The following ASAP2 variants were observed in gnomAD, a reference collection of about 807,000 sequenced individuals.
ASAP2 encodes the protein ArfGAP with SH3 domain, ankyrin repeat and PH domain 2.
A neutral mutation model predicts 131.4 loss-of-function variants in ASAP2; 45 were observed. That is an observed-to-expected ratio of 0.34 (90% confidence interval 0.27 to 0.44). The LOEUF (loss-of-function observed/expected upper bound fraction) is 0.44. Ranked by LOEUF, ASAP2 falls within the 20% of genes least tolerant of loss-of-function variation. The pLI, the probability that ASAP2 is intolerant of heterozygous loss-of-function variation, is 1.00. For synonymous variants in ASAP2, 510 were observed against 503.0 expected (o/e 1.01, Z -0.19); for missense variants, 1,011 against 1,297.0 (o/e 0.78, Z 3.39).
chr2:9,390,425 A>G (rs1675628123), intron 22 of ASAP2, among the ~76,000 whole-genome samples: 1 of 152,218 alleles, frequency 6.6e-6, no homozygotes, highest in Non-Finnish European at 1.5e-5. Context: ...CACACCTAGC[A>G]CCTGGGCCCT....
At chr2:9,349,554 A>C (rs550914604) in intron 11 of ASAP2, among the ~76,000 whole-genome samples, 1 of 152,222 alleles carries the variant, frequency 6.6e-6, no homozygotes, top group African/African-American at 2.4e-5. Context: ...GGTATCTTCT[A>C]ATACTGATTT....
At chr2:9,292,981 G>A (rs62121301) in intron 2 of ASAP2, among the ~76,000 whole-genome samples, 3 of 152,334 alleles carry the variant, frequency 2.0e-5, no homozygotes, top group East Asian at 3.9e-4. Flanking sequence ...GTCAAGAGCC[G>A]TATCTACATG....
intron 7 of ASAP2, among the ~76,000 whole-genome samples, chr2:9,329,699 G>A (rs1670707224): frequency 6.6e-6 from 1 of 152,220 alleles, no homozygotes; most frequent in Non-Finnish European, 1.5e-5. Flanking sequence ...GGGAGTGGAA[G>A]GTGTGGACTG....
intron 7 of ASAP2, among the ~76,000 whole-genome samples, chr2:9,332,750 C>G (rs886822359): frequency 6.6e-6 from 1 of 152,148 alleles, no homozygotes; most frequent in African/African-American, 2.4e-5. Context: ...TTAGAGATCT[C>G]TGTCCTCCTA....
chr2:9,394,879 G>A (rs1675994922), intron 24 of ASAP2, among the ~76,000 whole-genome samples: 1 of 152,210 alleles, frequency 6.6e-6, no homozygotes, highest in Non-Finnish European at 1.5e-5. Context: ...GGACACAGGA[G>A]GTGACTCGTT....
intron 3 of ASAP2, among the ~76,000 whole-genome samples, chr2:9,305,997 A>G (rs1382703426): frequency 1.6e-5 from 2 of 125,702 alleles, no homozygotes; most frequent in African/African-American, 6.2e-5. Flanking sequence ...ATATTGGTGT[A>G]GAGGCTGTAG....
intron 3 of ASAP2, among the ~76,000 whole-genome samples, chr2:9,308,502 T>C (rs145607628): frequency 1.4e-3 from 211 of 152,264 alleles, no homozygotes; most frequent in African/African-American, 4.9e-3. Context: ...GTGATTTTCC[T>C]GTTTAGAGTT....
intron 3 of ASAP2, 81 bp from the exon 4 acceptor site, chr2:9,318,443 T>G: frequency 9.8e-7 from 1 of 1,023,252 alleles, no homozygotes; most frequent in Non-Finnish European, 1.5e-6. Context: ...TTATCAAATG[T>G]TCTCTCTAAT....
At chr2:9,303,963 G>C (rs910112976) in intron 3 of ASAP2, among the ~76,000 whole-genome samples, 2 of 152,230 alleles carry the variant, frequency 1.3e-5, no homozygotes, top group African/African-American at 4.8e-5. Context: ...CCATGCGCTG[G>C]TGCTGTATGG....
intron 14 of ASAP2, 54 bp downstream of exon 14, chr2:9,356,399 T>A: frequency 6.7e-7 from 1 of 1,487,956 alleles, no homozygotes; most frequent in Non-Finnish European, 9.0e-7. Flanking sequence ...AATCCCATTC[T>A]GATTCACAGA....
rs187516180 is a variant in ASAP2, at chr2:9,385,480, G to A, written c.2130+122G>A. ...GAAATGAAAATGTAGCTTACTTTAT[G>A]CTTTCATTGATCTCAGTAGGCTCTT... On this transcript the variant is annotated intron_variant, in intron 21 of 27. Transcript: ENST00000281419. 2.2e-3 allele frequency: 1,690 copies of A among 761,798 alleles called. 6 individuals are homozygous for A. The highest frequency in any genetic ancestry group is 2.6e-3 in the Non-Finnish European group (1,209 of 457,126). 47.2% of individuals were successfully genotyped at this position (761,798 alleles called of 1,614,324 possible).
chr2:9,287,803 TG>T (rs1407041999), intron 2 of ASAP2, among the ~76,000 whole-genome samples: 1 of 152,158 alleles, frequency 6.6e-6, no homozygotes, highest in Non-Finnish European at 1.5e-5. Flanking sequence ...CAACAATGAT[TG>T]GAATTTAGAT....
intron 3 of ASAP2, among the ~76,000 whole-genome samples, chr2:9,310,924 T>C (rs931927322): frequency 7.2e-5 from 11 of 152,216 alleles, no homozygotes; most frequent in African/African-American, 2.7e-4. Context: ...ATTTTGTTCT[T>C]TATATCTAAT....
At chr2:9,354,533 A>G (rs888611334) in intron 12 of ASAP2, among the ~76,000 whole-genome samples, 3 of 151,410 alleles carry the variant, frequency 2.0e-5, no homozygotes, top group Non-Finnish European at 4.4e-5. Context: ...GTACTTTGGG[A>G]GGCTGAGGTG....
At chr2:9,391,812 T>C (rs1675753208) in intron 23 of ASAP2, among the ~76,000 whole-genome samples, 1 of 151,484 alleles carries the variant, frequency 6.6e-6, no homozygotes, top group Non-Finnish European at 1.5e-5. Flanking sequence ...CTCGAACTCC[T>C]GACCTCAGGT....
chr2:9,286,852 G>C (rs937083372), intron 2 of ASAP2, among the ~76,000 whole-genome samples: 2 of 152,078 alleles, frequency 1.3e-5, no homozygotes, highest in Non-Finnish European at 2.9e-5. Flanking sequence ...TGATTAAAAA[G>C]GAATAGATGA....
chr2:9,396,957 A>T (rs190159232), intron 24 of ASAP2, among the ~76,000 whole-genome samples: 8 of 152,320 alleles, frequency 5.3e-5, no homozygotes, highest in East Asian at 1.9e-4. Flanking sequence ...AGCCAAGATC[A>T]CACCACTGCA....
intron 1 of ASAP2, among the ~76,000 whole-genome samples, chr2:9,208,487 C>T (rs1484596014): frequency 6.7e-6 from 1 of 149,596 alleles, no homozygotes; most frequent in East Asian, 2.0e-4. Context: ...GAATGTTTTC[C>T]CTTAATGGAA....
At chr2:9,301,516 CTG>C (rs945810460) in intron 3 of ASAP2, among the ~76,000 whole-genome samples, 96 of 152,228 alleles carry the variant, frequency 6.3e-4, no homozygotes, top group African/African-American at 2.0e-3. Context: ...AGGGCCACCT[CTG>C]TGCTGAGAAG....
Sources: gnomAD v4.1 joint callset for allele counts (sites outside exome capture counted in the v4.1 genomes callset) on GRCh38, gnomAD v4.1.1 for gene constraint, MANE v1.5 for transcripts, NCBI Gene and HGNC (gene_info 2026-07-23, HGNC 2026-07-21) for gene names.